Variants in TTC4 observed in about 807,000 individuals in gnomAD.
TTC4 encodes the protein tetratricopeptide repeat domain 4, also known as hsp70/Hsp90 co-chaperone CNS1 homolog.
Under a neutral mutation model 51.9 loss-of-function variants are expected in TTC4, and 36 were observed. The observed-to-expected ratio is 0.69, with a 90% CI of 0.53 to 0.92. The LOEUF is 0.92. Among genes scored for constraint, TTC4 ranks in the 40% least tolerant of loss-of-function variants. The pLI is 0.00. For synonymous variants in TTC4, 144 were observed against 164.2 expected, an observed-to-expected ratio of 0.88 and a Z score of 0.94; for missense variants, 399 against 454.6, an observed-to-expected ratio of 0.88 and a Z score of 1.11.
At chr1:54,737,736 T>A (rs1553181848) in intron 9 of TTC4, 72 bp downstream of exon 9, 1 of 1,444,372 alleles carries the variant, frequency 6.9e-7, no homozygotes, top group Non-Finnish European at 9.6e-7. Context: ...ACACTGCTGA[T>A]AAAGACATAC....
intron 8 of TTC4, 141 bp downstream of exon 8, chr1:54,733,851 C>A: frequency 1.7e-6 from 1 of 573,480 alleles, no homozygotes; most frequent in Non-Finnish European, 2.9e-6. Context: ...ACCATTTTAA[C>A]CATTTTTAGG....
At chr1:54,726,847 G>A (rs907425260) in intron 5 of TTC4, among the ~76,000 whole-genome samples, 5 of 150,844 alleles carry the variant, frequency 3.3e-5, no homozygotes, top group East Asian at 2.0e-4. Flanking sequence ...ATCATGGCTC[G>A]CTGCAACCTC....
intron 9 of TTC4, among the ~76,000 whole-genome samples, chr1:54,740,167 C>T (rs1284630446): frequency 6.6e-6 from 1 of 150,524 alleles, no homozygotes; most frequent in African/African-American, 2.5e-5. Flanking sequence ...AGTGAGACCC[C>T]CTCCTCCCAC....
chr1:54,735,827 A>G (rs575771479), intron 8 of TTC4, among the ~76,000 whole-genome samples: 11 of 152,192 alleles, frequency 7.2e-5, no homozygotes, highest in Non-Finnish European at 1.6e-4. Context: ...ATCTGTTACT[A>G]TGATTGTTTC....
At chr1:54,722,260 C>T (rs1031459536) in intron 4 of TTC4, among the ~76,000 whole-genome samples, 7 of 151,484 alleles carry the variant, frequency 4.6e-5, no homozygotes, top group Admixed American at 4.6e-4. Context: ...TCTGCTTTTT[C>T]CCTCCATTGA....
chr1:54,716,629 G>C lies in TTC4; in HGVS notation c.141G>C (p.Ser47=). ...TTGAAAAGGTCCCCCTATTTATGTCGAGAGCGCCATCAGAAATTGATCCCA... is the reference window on the plus strand; with the variant it reads ...TTGAAAAGGTCCCCCTATTTATGTCCAGAGCGCCATCAGAAATTGATCCCA... ...KEFEKVPLFM[S]RAPSEIDPRE... The change falls in exon 2 of 10, where the codon TCG becomes TCC. Residue 47 remains serine, a synonymous_variant. Coordinates refer to ENST00000371281, the MANE Select transcript of TTC4 (RefSeq NM_004623.5). The C allele has an allele frequency of 6.2e-7, 1 of 1,613,454 alleles. No homozygotes were observed. The highest frequency in any genetic ancestry group is 8.5e-7 in the Non-Finnish European group (1 of 1,179,900).
chr1:54,728,265 GATA>G (rs1645825000), intron 5 of TTC4, 78 bp from the exon 6 acceptor site: 3 of 1,299,736 alleles, frequency 2.3e-6, no homozygotes, highest in Non-Finnish European at 2.2e-6. Context: ...AGAGGCCAGA[GATA>G]ATAATTTAGG....
chr1:54,716,557 G>A (rs1157124681), intron 1 of TTC4, 43 bp from the exon 2 acceptor site: 2 of 1,502,164 alleles, frequency 1.3e-6, no homozygotes, highest in Non-Finnish European at 1.8e-6. Flanking sequence ...GATCTGCTCA[G>A]TAGAAAAGCT....
intron 5 of TTC4, among the ~76,000 whole-genome samples, chr1:54,725,212 A>G (rs1472634008): frequency 1.3e-5 from 2 of 152,198 alleles, no homozygotes. Context: ...TACCCAGTAT[A>G]AAAAGCTTTT....
At chr1:54,719,037 A>G (rs1645710582) in intron 3 of TTC4, among the ~76,000 whole-genome samples, 1 of 152,054 alleles carries the variant, frequency 6.6e-6, no homozygotes, top group Non-Finnish European at 1.5e-5. Flanking sequence ...ACCAAGTAGG[A>G]GAAGAGGACC....
chr1:54,722,565 T>A, intron 4 of TTC4, 110 bp from the exon 5 acceptor site: 2 of 1,489,102 alleles, frequency 1.3e-6, no homozygotes, highest in Non-Finnish European at 1.8e-6. Context: ...TATCCTCCAT[T>A]TTGCCTTCAG....
chr1:54,726,189 A>G (rs899592305), intron 5 of TTC4, among the ~76,000 whole-genome samples: 7 of 152,230 alleles, frequency 4.6e-5, no homozygotes, highest in African/African-American at 1.7e-4. Flanking sequence ...GTTGAAAAAC[A>G]AAGAAGAGAA....
intron 6 of TTC4, among the ~76,000 whole-genome samples, chr1:54,731,137 C>CTTAA (rs1645860956): frequency 6.6e-6 from 1 of 152,136 alleles, no homozygotes; most frequent in Non-Finnish European, 1.5e-5. Flanking sequence ...TTAAGTGGTA[C>CTTAA]CTACTATGTG....
intron 5 of TTC4, among the ~76,000 whole-genome samples, 164 bp from the exon 6 acceptor site, chr1:54,728,182 C>G (rs923615446): frequency 2.6e-5 from 4 of 152,150 alleles, no homozygotes; most frequent in African/African-American, 7.2e-5. Context: ...GACATCTAGG[C>G]ATGTACTTTG....
intron 6 of TTC4, 96 bp from the exon 7 acceptor site, chr1:54,731,390 C>T (rs1645863810): frequency 1.8e-6 from 2 of 1,109,982 alleles, no homozygotes; most frequent in African/African-American, 3.2e-5. Context: ...AAAAATTAGC[C>T]AGGCATTATG....
chr1:54,721,053 C>A, intron 3 of TTC4, 110 bp from the exon 4 acceptor site: 1 of 1,017,166 alleles, frequency 9.8e-7, no homozygotes, highest in South Asian at 1.5e-5. Flanking sequence ...CAGTTGCTCT[C>A]ATTTGTATTT....
chr1:54,721,047 T>G (rs1645737893), intron 3 of TTC4, 116 bp from the exon 4 acceptor site: 3 of 934,924 alleles, frequency 3.2e-6, no homozygotes, highest in Admixed American at 2.5e-5. Flanking sequence ...AAAAAACAGT[T>G]GCTCTCATTT....
At chr1:54,722,840 C>A (rs2101311579) in intron 5 of TTC4, 41 bp downstream of exon 5, 1 of 1,556,982 alleles carries the variant, frequency 6.4e-7, no homozygotes, top group African/African-American at 1.4e-5. Context: ...TGCTAATTAG[C>A]AGTAATTAGC....
chr1:54,718,710 G>A (rs1352496585), intron 3 of TTC4, among the ~76,000 whole-genome samples: 4 of 152,308 alleles, frequency 2.6e-5, no homozygotes, highest in South Asian at 4.1e-4. Flanking sequence ...TTCTGTAGTC[G>A]TAAATTTGGG....
Sources: allele counts gnomAD v4.1 joint callset (sites outside exome capture counted in the v4.1 genomes callset), GRCh38; gene constraint gnomAD v4.1.1; transcripts MANE v1.5; gene names NCBI Gene and HGNC (gene_info 2026-07-23, HGNC 2026-07-21).